Variants in ENPP6 observed in about 807,000 individuals in gnomAD.
ENPP6 encodes ectonucleotide pyrophosphatase/phosphodiesterase 6.
ENPP6 carries 32 observed loss-of-function variants against 42.0 expected under a neutral mutation model. The ratio of observed to expected loss-of-function variants is 0.76; its 90% CI spans 0.58 to 1.02. The LOEUF is 1.02. Ranked by LOEUF, ENPP6 falls within the 50% of genes least tolerant of loss-of-function variation. The pLI is 0.00. For missense variants in ENPP6, 552 were observed against 566.8 expected, an observed-to-expected ratio of 0.97 and a Z score of 0.27; for synonymous variants, 213 against 216.0, an observed-to-expected ratio of 0.99 and a Z score of 0.12.
chr4:184,144,060 C>T (rs1271500626), intron 2 of ENPP6, among the ~76,000 whole-genome samples: 1 of 152,172 alleles, frequency 6.6e-6, no homozygotes, highest in East Asian at 1.9e-4. Context: ...CTGGCAGGGC[C>T]CCCCGGGCCC....
intron 7 of ENPP6, among the ~76,000 whole-genome samples, chr4:184,095,112 G>A (rs892542061): frequency 3.3e-5 from 5 of 152,182 alleles, no homozygotes; most frequent in Non-Finnish European, 5.9e-5. Flanking sequence ...GAGCCAGAAC[G>A]TGATGGTTTG....
At chr4:184,179,314 G>A (rs969006248) in intron 1 of ENPP6, among the ~76,000 whole-genome samples, 2 of 152,236 alleles carry the variant, frequency 1.3e-5, no homozygotes, top group South Asian at 2.1e-4. Context: ...TCAATTCAAC[G>A]AGAAGAGCTA....
At chr4:184,170,008 T>TA (rs1481170721) in intron 1 of ENPP6, among the ~76,000 whole-genome samples, 4 of 152,192 alleles carry the variant, frequency 2.6e-5, no homozygotes, top group African/African-American at 9.7e-5. Context: ...GAGGTACTTT[T>TA]AAAAAAACAT....
At chr4:184,178,156 C>T (rs1383665465) in intron 1 of ENPP6, among the ~76,000 whole-genome samples, 3 of 152,048 alleles carry the variant, frequency 2.0e-5, no homozygotes, top group Admixed American at 6.6e-5. Flanking sequence ...ACCAGAATAA[C>T]CACTTTAGAG....
chr4:184,211,302 G>A (rs1733104544), intron 1 of ENPP6, among the ~76,000 whole-genome samples: 2 of 152,160 alleles, frequency 1.3e-5, no homozygotes, highest in South Asian at 4.2e-4. Context: ...TCCAGGAGCT[G>A]GTTTTTTGAA....
At chr4:184,212,567 C>T (rs1408734689) in intron 1 of ENPP6, among the ~76,000 whole-genome samples, 2 of 151,000 alleles carry the variant, frequency 1.3e-5, no homozygotes, top group African/African-American at 4.9e-5. Flanking sequence ...GAACTACAAA[C>T]CACTGGTCAA....
intron 1 of ENPP6, among the ~76,000 whole-genome samples, chr4:184,158,973 CAA>C (rs1560996312): frequency 6.6e-6 from 1 of 152,148 alleles, no homozygotes; most frequent in East Asian, 1.9e-4. Flanking sequence ...TCAAATCCTG[CAA>C]AGTTATTTTC....
At chr4:184,131,260 C>CTCTTTCT (rs1560987499) in intron 2 of ENPP6, among the ~76,000 whole-genome samples, 92 of 7,486 alleles carry the variant, frequency 0.012, 3 homozygotes, top group South Asian at 0.03. Flanking sequence ...TTCTCTTTCT[C>CTCTTTCT]TTCCTTCCTT....
chr4:184,195,807 G>T (rs1268550595), intron 1 of ENPP6, among the ~76,000 whole-genome samples: 2 of 152,248 alleles, frequency 1.3e-5, no homozygotes, highest in African/African-American at 2.4e-5. Flanking sequence ...ACCCAAGTCT[G>T]TGAACTTGAA....
chr4:184,207,430 T>C (rs1232240527), intron 1 of ENPP6, among the ~76,000 whole-genome samples: 1 of 152,242 alleles, frequency 6.6e-6, no homozygotes, highest in African/African-American at 2.4e-5. Flanking sequence ...TCCTTGACTT[T>C]ATGTTAAACT....
At chr4:184,131,258 C>CCT (rs1553996061) in intron 2 of ENPP6, among the ~76,000 whole-genome samples, 13,466 of 36,008 alleles carry the variant, frequency 0.37, 2,171 homozygotes, top group Non-Finnish European at 0.4. Context: ...CTTTCTCTTT[C>CCT]TCTTCCTTCC....
chr4:184,199,154 A>G (rs1732852662), intron 1 of ENPP6, among the ~76,000 whole-genome samples: 2 of 152,246 alleles, frequency 1.3e-5, no homozygotes, highest in Admixed American at 1.3e-4. Flanking sequence ...GCTAAGTGAC[A>G]TGGCAGCATT....
At chr4:184,159,043 CGT>C (rs1415676393) in intron 1 of ENPP6, among the ~76,000 whole-genome samples, 1 of 152,122 alleles carries the variant, frequency 6.6e-6, no homozygotes, top group Non-Finnish European at 1.5e-5. Context: ...TCCTATCTGT[CGT>C]GATGCTTGAA....
chr4:184,148,628 G>A (rs961241668), intron 2 of ENPP6, among the ~76,000 whole-genome samples: 4 of 152,186 alleles, frequency 2.6e-5, no homozygotes, highest in Admixed American at 6.5e-5. Context: ...CAACATCAGC[G>A]ATGCAGATCT....
At chr4:184,092,292 A>G (rs575465511) in intron 7 of ENPP6, among the ~76,000 whole-genome samples, 2 of 152,208 alleles carry the variant, frequency 1.3e-5, no homozygotes, top group Non-Finnish European at 2.9e-5. Context: ...TTGGAAGATG[A>G]GTGGAACACT....
intron 7 of ENPP6, among the ~76,000 whole-genome samples, chr4:184,095,168 A>G (rs1464117345): frequency 6.6e-6 from 1 of 152,228 alleles, no homozygotes; most frequent in Non-Finnish European, 1.5e-5. Flanking sequence ...TTTTGCAATT[A>G]GCGCAGTCCA....
Position 184,142,198 on chromosome 4 carries a change from A to G in ENPP6, c.421+11356T>C, listed in dbSNP as rs113186127. On this transcript the variant is annotated intron_variant, in intron 2 of 7. Transcript: ENST00000296741. ...GAGCCCATAAAAATTACATTTCTCCAAACTTCCTAGAGCCTAGGTTTCCCC... is the reference window on the plus strand; with the variant it reads ...GAGCCCATAAAAATTACATTTCTCCGAACTTCCTAGAGCCTAGGTTTCCCC... 4.8e-3 allele frequency among the ~76,000 whole-genome samples: 733 copies of G among 152,278 alleles called. 10 individuals are homozygous for G. The highest frequency in any genetic ancestry group is 0.017 in the African/African-American group (697 of 41,556).
At position 184,197,563 on chromosome 4, in the gene ENPP6, A is replaced by C. The variant is rs182463207; in HGVS notation, c.241+20016T>G. On this transcript the variant is annotated intron_variant, in intron 1 of 7. Transcript: ENST00000296741. ...CACTTGGTGTGGTTTTTCTCCCTTT[A>C]TCTGGTTCCGGATCTGCATCTTTGG... 1.9e-3 allele frequency among the ~76,000 whole-genome samples: 291 copies of C among 152,248 alleles called. 2 individuals carry two copies. Among genetic ancestry groups the C allele is most frequent in the African/African-American group, 6.9e-3 (286 of 41,546 alleles).
chr4:184,092,492 A>G (rs1408949085), intron 7 of ENPP6, among the ~76,000 whole-genome samples: 1 of 152,218 alleles, frequency 6.6e-6, no homozygotes, highest in East Asian at 1.9e-4. Flanking sequence ...CACACGCAGC[A>G]CGGTGAGTGA....
Sources: gnomAD v4.1 joint callset for allele counts (sites outside exome capture counted in the v4.1 genomes callset) on GRCh38, gnomAD v4.1.1 for gene constraint, MANE v1.5 for transcripts, NCBI Gene and HGNC (gene_info 2026-07-23, HGNC 2026-07-21) for gene names.